The following PAPOLG variants were observed in gnomAD, a reference collection of about 807,000 sequenced individuals.
PAPOLG encodes PAP-gamma.
A neutral mutation model predicts 99.0 loss-of-function variants in PAPOLG; 40 were observed. That is an observed-to-expected ratio of 0.40 (90% CI 0.31 to 0.53). The LOEUF is 0.53. PAPOLG is among the 20% of genes least tolerant of loss of function. PAPOLG has a pLI of 0.41. For synonymous variants in PAPOLG, 310 were observed against 299.3 expected, an observed-to-expected ratio of 1.04 and a Z score of -0.37; for missense variants, 675 against 884.1, an observed-to-expected ratio of 0.76 and a Z score of 3.00.
chr2:60,782,613 G>A, intron 11 of PAPOLG, 73 bp from the exon 12 acceptor site: 1 of 1,347,804 alleles, frequency 7.4e-7, no homozygotes, highest in Non-Finnish European at 9.6e-7. Context: ...TAGTAGTAGA[G>A]TGATTTAAGA....
At position 60,787,594 on chromosome 2, in the gene PAPOLG, A is replaced by G. The variant is rs777698998; in HGVS notation, c.1370A>G (p.Tyr457Cys). 6.2e-7 allele frequency: 1 copy of G among 1,614,030 alleles called. No individual in the cohort carries two copies. The highest frequency in any genetic ancestry group is 1.1e-5 in the South Asian group (1 of 91,052). ...NAESVNIDLTYDIQSFTDTVY... is the reference protein window; with the variant it reads ...NAESVNIDLTCDIQSFTDTVY... ...GAAAGTGTCAACATAGACTTGACAT[A>G]TGATATACAGTCATTTACTGATACA... The change falls in exon 15 of 22, where the codon TAT becomes TGT. Residue 457 changes from tyrosine (Y) to cysteine (C), a missense_variant. Physicochemically the swap from Tyr to Cys is radical, Grantham distance 194. Transcript: ENST00000238714.
At position 60,800,672 on chromosome 2, in the gene PAPOLG, G is replaced by C. The variant is rs571749402; in HGVS notation, c.*3512G>C. The C allele has an allele frequency of 6.6e-5, 10 of 152,256 alleles. No homozygotes were observed. In the South Asian group the frequency reaches 1.2e-3, roughly 19 times the overall value. The allele number at this position is 152,256 out of a possible 1,614,324, so 9.4% of individuals were successfully genotyped here. A position where few individuals can be genotyped will look rare whatever the true frequency, so the allele number is the denominator to read the frequency against. ...CCTTTGAAATAGGAATTCCTAACTT[G>C]AGAATCATGAACCCTTAGGGAATCC... is the stretch of plus-strand genomic sequence containing the variant. On this transcript the variant is annotated 3_prime_UTR_variant, in exon 22 of 22. Coordinates refer to ENST00000238714, the MANE Select transcript of PAPOLG (RefSeq NM_022894.4).
At chr2:60,774,133 C>T (rs1005144068) in intron 7 of PAPOLG, among the ~76,000 whole-genome samples, 14 of 151,354 alleles carry the variant, frequency 9.2e-5, no homozygotes, top group South Asian at 4.2e-4. Context: ...CTCGCTCTGT[C>T]GCCCAGGCTG....
rs1331396522 is a variant in PAPOLG at position 60,801,923 on chromosome 2, C to G, written c.*4763C>G. 1 of 152,290 alleles carries G rather than the reference C, an allele frequency of 6.6e-6. No homozygotes were observed. The highest frequency in any genetic ancestry group is 1.5e-5 in the Non-Finnish European group (1 of 68,036). The allele number at this position is 152,290 out of a possible 1,614,324, so 9.4% of individuals were successfully genotyped here. On this transcript the variant is annotated 3_prime_UTR_variant, in exon 22 of 22. Transcript: ENST00000238714. The stretch of plus-strand genomic sequence containing the variant: ...AATGGTGCTACATCACTCTACAGTA[C>G]TATGTAAAATGAATGGAGCTGCTGT...
chr2:60,771,395 C>T (rs1030062668), intron 6 of PAPOLG, 124 bp from the exon 7 acceptor site: 11 of 1,220,120 alleles, frequency 9.0e-6, no homozygotes, highest in Non-Finnish European at 1.2e-5. Context: ...ATAGGCCTAT[C>T]GAAGCTTTGG....
At chr2:60,781,356 C>CAA (rs567068468) in intron 10 of PAPOLG, among the ~76,000 whole-genome samples, 61 of 142,222 alleles carry the variant, frequency 4.3e-4, no homozygotes, top group Middle Eastern at 7.2e-3. Context: ...GACTTCGTCT[C>CAA]AAAAAAAAAA....
intron 3 of PAPOLG, among the ~76,000 whole-genome samples, chr2:60,765,617 A>G (rs1670655119): frequency 1.3e-5 from 2 of 152,176 alleles, no homozygotes. Context: ...GAATCTGTAC[A>G]CAATTGGGAT....
intron 7 of PAPOLG, 42 bp from the exon 8 acceptor site, chr2:60,774,992 A>G (rs757811502): frequency 6.2e-7 from 1 of 1,609,240 alleles, no homozygotes; most frequent in Non-Finnish European, 8.5e-7. Context: ...ATTAACTGAG[A>G]ATTTGCTGCA....
chr2:60,769,097 C>T (rs1305034026), intron 5 of PAPOLG, among the ~76,000 whole-genome samples: 1 of 152,148 alleles, frequency 6.6e-6, no homozygotes, highest in Non-Finnish European at 1.5e-5. Flanking sequence ...GAATCTACTA[C>T]ATAATAGCTC....
At position 60,795,099 on chromosome 2, in the gene PAPOLG, A is replaced by G. The variant is rs913444589; in HGVS notation, c.2112+79A>G. On this transcript the variant is annotated intron_variant, in intron 21 of 21. Transcript: ENST00000238714. ...AATCTACAAGTACAAAAGGCTTATT[A>G]AGAGCCTAGCACTGGGAAAAAGTAA... The G allele has an allele frequency of 7.2e-6, 9 of 1,257,110 alleles. No homozygotes were observed. The African/African-American group carries it at 1.3e-4, about 19-fold the overall frequency. 77.9% of individuals were successfully genotyped at this position (1,257,110 alleles called of 1,614,324 possible). A position where few individuals can be genotyped will look rare whatever the true frequency, so the allele number is the denominator to read the frequency against.
chr2:60,796,395 TC>T (rs1671702121), intron 21 of PAPOLG, among the ~76,000 whole-genome samples: 1 of 151,966 alleles, frequency 6.6e-6, no homozygotes, highest in Non-Finnish European at 1.5e-5. Context: ...CGCCTTGGCC[TC>T]CCAAAGTTCT....
chr2:60,779,105 A>C (rs1279497750), intron 8 of PAPOLG, among the ~76,000 whole-genome samples: 3 of 152,136 alleles, frequency 2.0e-5, no homozygotes, highest in Non-Finnish European at 2.9e-5. Context: ...AGAAAAAAAA[A>C]AATAGAAATG....
In PAPOLG at chr2:60,756,272, G is replaced by T. The variant is rs1450402468; in HGVS notation, c.-207G>T. ...CAGGCTGGGAAGCGGCGCCATATTG[G>T]CGTCGGCCGCGCTGTATTGTCATAA... On this transcript the variant is annotated 5_prime_UTR_variant, in exon 1 of 22. Coordinates refer to ENST00000238714, the MANE Select transcript of PAPOLG (RefSeq NM_022894.4). The T allele has an allele frequency of 4.8e-6, 3 of 629,094 alleles. No homozygotes were observed. Among genetic ancestry groups the T allele is most frequent in the Non-Finnish European group, 8.5e-6 (3 of 352,150 alleles). The allele number at this position is 629,094 out of a possible 1,614,324, so 39.0% of individuals were successfully genotyped here. A position where few individuals can be genotyped will look rare whatever the true frequency, so the allele number is the denominator to read the frequency against.
chr2:60,763,875 C>G (rs1297979475), intron 3 of PAPOLG, among the ~76,000 whole-genome samples: 1 of 152,100 alleles, frequency 6.6e-6, no homozygotes, highest in Non-Finnish European at 1.5e-5. Flanking sequence ...GTAATCTTGA[C>G]TCACTGCAAC....
Position 60,760,130 on chromosome 2 carries a change from A to G in PAPOLG, c.18-4A>G, listed in dbSNP as rs1055432880. 3 of 1,612,538 alleles carry G rather than the reference A, an allele frequency of 1.9e-6. No individual in the cohort carries two copies. Among genetic ancestry groups the G allele is most frequent in the Non-Finnish European group, 2.5e-6 (3 of 1,179,584 alleles). On this transcript the variant is annotated splice_polypyrimidine_tract_variant and splice_region_variant and intron_variant, in intron 1 of 21. Coordinates refer to ENST00000238714, the MANE Select transcript of PAPOLG (RefSeq NM_022894.4). ...TGTTTCATTTTTCTTATTTTCTTGA[A>G]CAGAAACACCGTGCTGGACAGCCAG...
At chr2:60,774,443 A>G (rs1401223899) in intron 7 of PAPOLG, among the ~76,000 whole-genome samples, 3 of 147,020 alleles carry the variant, frequency 2.0e-5, no homozygotes, top group Non-Finnish European at 4.5e-5. Context: ...TCAGCTCACT[A>G]CAACCTCCGC....
chr2:60,792,142 A>G lies in PAPOLG; in HGVS notation c.1532A>G (p.Asp511Gly). 1.9e-6 allele frequency: 3 copies of G among 1,587,664 alleles called. No homozygotes were observed. The highest frequency in any genetic ancestry group is 2.6e-6 in the Non-Finnish European group (3 of 1,173,060). The change falls in exon 17 of 22, where the codon GAT (aspartate) becomes GGT (glycine). Residue 511 changes from aspartate to glycine, a missense_variant. Asp to Gly is a moderately conservative substitution (Grantham distance 94, BLOSUM62 -1). Transcript: ENST00000238714. ...CCCTTCTTTCAGCAAAGTCTCTCTGATGTCAATCGAAGCTCGGGCGGACTT... is the reference window on the plus strand; with the variant it reads ...CCCTTCTTTCAGCAAAGTCTCTCTGGTGTCAATCGAAGCTCGGGCGGACTT... ...LQKKKKQSLS[D>G]VNRSSGGLQS...
chr2:60,756,284 C>T lies in PAPOLG; in HGVS notation c.-195C>T. On this transcript the variant is annotated 5_prime_UTR_variant, in exon 1 of 22. Transcript: ENST00000238714. ...CGGCGCCATATTGGCGTCGGCCGCGCTGTATTGTCATAAATAGAGCCGGTT... is the reference window on the plus strand; with the variant it reads ...CGGCGCCATATTGGCGTCGGCCGCGTTGTATTGTCATAAATAGAGCCGGTT... 1 of 653,816 alleles carries T rather than the reference C, an allele frequency of 1.5e-6. No homozygotes were observed. The highest frequency in any genetic ancestry group is 2.7e-6 in the Non-Finnish European group (1 of 370,646). 40.5% of individuals were successfully genotyped at this position (653,816 alleles called of 1,614,324 possible).
intron 13 of PAPOLG, 78 bp from the exon 14 acceptor site, chr2:60,786,869 A>G: frequency 6.6e-7 from 1 of 1,513,072 alleles, no homozygotes; most frequent in Non-Finnish European, 8.9e-7. Flanking sequence ...CGTAGTTAAT[A>G]TGCTGTTTGG....
Sources: allele counts gnomAD v4.1 joint callset (sites outside exome capture counted in the v4.1 genomes callset), GRCh38; gene constraint gnomAD v4.1.1; transcripts MANE v1.5; gene names NCBI Gene and HGNC (gene_info 2026-07-23, HGNC 2026-07-21).